Variants in CSMD1 observed in about 807,000 individuals in gnomAD.
The protein encoded by CSMD1 is CUB and sushi domain-containing protein 1.
In CSMD1, 213 loss-of-function variants were observed where a neutral mutation model predicts 417.5. The ratio of observed to expected loss-of-function variants is 0.51; its 90% confidence interval spans 0.46 to 0.57. CSMD1 has a LOEUF of 0.57. CSMD1 is among the 20% of genes least tolerant of loss of function. The pLI is 0.00. For synonymous variants in CSMD1, 2,862 were observed against 1,736.8 expected (o/e 1.65, Z -16.11); for missense variants, 6,923 against 4,529.7 (o/e 1.53, Z -15.17).
intron 25 of CSMD1, among the ~76,000 whole-genome samples, chr8:3,292,503 G>A (rs1000011266): frequency 6.6e-6 from 1 of 152,198 alleles, no homozygotes; most frequent in Non-Finnish European, 1.5e-5. Context: ...TCAAGAATCT[G>A]CGTGCTCCTG....
At chr8:3,800,940 C>T (rs987405392) in intron 5 of CSMD1, among the ~76,000 whole-genome samples, 1 of 151,826 alleles carries the variant, frequency 6.6e-6, no homozygotes. Flanking sequence ...TTTATCCAGC[C>T]CCAAATATTC....
At chr8:4,187,694 A>AAAAAT (rs57614933) in intron 3 of CSMD1, among the ~76,000 whole-genome samples, 1 of 150,976 alleles carries the variant, frequency 6.6e-6, no homozygotes, top group Non-Finnish European at 1.5e-5. Context: ...AAAAAAAAAA[A>AAAAAT]GCATTCAGGA....
chr8:3,846,261 G>C (rs951105978), intron 5 of CSMD1, among the ~76,000 whole-genome samples: 1 of 152,110 alleles, frequency 6.6e-6, no homozygotes, highest in African/African-American at 2.4e-5. Context: ...CCACGCTATG[G>C]CATTATGATC....
intron 3 of CSMD1, among the ~76,000 whole-genome samples, chr8:4,204,403 GAT>G (rs1318672118): frequency 6.6e-6 from 1 of 152,262 alleles, no homozygotes; most frequent in African/African-American, 2.4e-5. Context: ...AATTAGGAAA[GAT>G]AGAAACCCAA....
chr8:4,121,788 A>G (rs1802501609), intron 3 of CSMD1, among the ~76,000 whole-genome samples: 1 of 152,096 alleles, frequency 6.6e-6, no homozygotes. Context: ...ATTACAGTAC[A>G]TCACTTATTT....
At chr8:3,284,429 T>G (rs544178517) in intron 25 of CSMD1, 83 bp from the exon 26 acceptor site, 2 of 1,030,954 alleles carry the variant, frequency 1.9e-6, no homozygotes, top group African/African-American at 3.1e-5. Flanking sequence ...CAAGCTCATT[T>G]CGCTTTCACA....
chr8:3,512,939 A>G (rs1797138212), intron 10 of CSMD1, among the ~76,000 whole-genome samples: 2 of 152,090 alleles, frequency 1.3e-5, no homozygotes, highest in African/African-American at 2.4e-5. Flanking sequence ...TTGTATAACC[A>G]TAGAGAGCCA....
intron 49 of CSMD1, among the ~76,000 whole-genome samples, chr8:3,054,132 C>G (rs996954372): frequency 1.3e-5 from 2 of 152,190 alleles, no homozygotes; most frequent in Non-Finnish European, 2.9e-5. Flanking sequence ...CACAGGTTAT[C>G]TCCGGTATTG....
Position 4,209,984 on chromosome 8 carries a change from T to C in CSMD1, c.416-177885A>G, listed in dbSNP as rs1347327475. ...ATGGCACACTGGAGGAGGTGTCTTA[T>C]GAAAGGCTGCTTCTGCCCCAGATCT... On this transcript the variant is annotated intron_variant, in intron 3 of 69. Transcript: ENST00000635120. Among the ~76,000 whole-genome samples the C allele has an allele frequency of 3.9e-5, 6 of 152,302 alleles. No individual in the cohort carries two copies. In the East Asian group the frequency reaches 9.7e-4, roughly 25 times the overall value.
chr8:4,146,782 T>C (rs1028626460), intron 3 of CSMD1, among the ~76,000 whole-genome samples: 1 of 149,340 alleles, frequency 6.7e-6, no homozygotes, highest in African/African-American at 2.5e-5. Context: ...CGACTAATTT[T>C]TTGTATTTTT....
At chr8:3,824,294 A>C (rs1222011116) in intron 5 of CSMD1, among the ~76,000 whole-genome samples, 1 of 152,184 alleles carries the variant, frequency 6.6e-6, no homozygotes, top group East Asian at 1.9e-4. Flanking sequence ...ATTCGATGTT[A>C]ACAAACGGGC....
intron 40 of CSMD1, among the ~76,000 whole-genome samples, chr8:3,144,021 A>G (rs1225003865): frequency 2.6e-5 from 4 of 152,230 alleles, no homozygotes; most frequent in African/African-American, 9.7e-5. Flanking sequence ...AATTATGGAG[A>G]AACTTGGCAG....
At chr8:3,815,803 G>C (rs1240052813) in intron 5 of CSMD1, among the ~76,000 whole-genome samples, 1 of 152,008 alleles carries the variant, frequency 6.6e-6, no homozygotes, top group Admixed American at 6.6e-5. Context: ...TAGTGAACGG[G>C]CCTAGAAAGT....
At chr8:3,677,641 C>G (rs961623378) in intron 7 of CSMD1, among the ~76,000 whole-genome samples, 1 of 152,176 alleles carries the variant, frequency 6.6e-6, no homozygotes, top group Admixed American at 6.5e-5. Context: ...AAACCTCCAG[C>G]TATTGACATG....
chr8:3,447,185 T>A lies in CSMD1; in HGVS notation c.1561+21527A>T, dbSNP rs146557544. The stretch of plus-strand genomic sequence containing the variant: ...TGATGAAAAGATGAAAAGAACTCTA[T>A]GGCAAAGAAAAATGATGAACCAGCA... On this transcript the variant is annotated intron_variant, in intron 12 of 69. Transcript: ENST00000635120. Among the ~76,000 whole-genome samples the A allele has an allele frequency of 2.9e-3, 443 of 152,252 alleles. 5 individuals are homozygous for A. The highest frequency in any genetic ancestry group is 9.0e-3 in the Admixed American group (138 of 15,294).
intron 5 of CSMD1, among the ~76,000 whole-genome samples, chr8:3,942,048 T>A (rs372528907): frequency 2.6e-5 from 4 of 151,864 alleles, no homozygotes; most frequent in African/African-American, 9.7e-5. Flanking sequence ...GCAAACCCTA[T>A]TGTGAATTGG....
chr8:4,600,956 ATT>A (rs36030872), intron 2 of CSMD1, among the ~76,000 whole-genome samples: 4 of 139,088 alleles, frequency 2.9e-5, no homozygotes. Context: ...TCTTAATTAG[ATT>A]TTTTTTTTTT....
intron 1 of CSMD1, among the ~76,000 whole-genome samples, chr8:4,720,468 A>G (rs1283649954): frequency 6.6e-6 from 1 of 152,124 alleles, no homozygotes. Flanking sequence ...CTCATGCTGG[A>G]GTGCAGAGGC....
intron 48 of CSMD1, among the ~76,000 whole-genome samples, chr8:3,087,967 T>G (rs1814662215): frequency 6.6e-6 from 1 of 152,234 alleles, no homozygotes; most frequent in Non-Finnish European, 1.5e-5. Flanking sequence ...GGCCATTAAT[T>G]TCTTTCCTTT....
Sources: allele counts gnomAD v4.1 joint callset (sites outside exome capture counted in the v4.1 genomes callset), GRCh38; gene constraint gnomAD v4.1.1; transcripts MANE v1.5; gene names NCBI Gene and HGNC (gene_info 2026-07-23, HGNC 2026-07-21).